Variants in ITGA10 observed in about 807,000 individuals in gnomAD.
ITGA10 encodes the protein integrin alpha-10.
ITGA10 carries 105 observed loss-of-function variants against 145.2 expected under a neutral mutation model. That is an observed-to-expected ratio of 0.72 (90% CI 0.62 to 0.85). The LOEUF (loss-of-function observed/expected upper bound fraction) is 0.85. Among genes scored for constraint, ITGA10 ranks in the 40% least tolerant of loss-of-function variants. ITGA10 has a pLI of 0.00. For synonymous variants in ITGA10, 506 were observed against 557.8 expected (o/e 0.91, Z 1.31); for missense variants, 1,317 against 1,444.5 (o/e 0.91, Z 1.43).
At position 145,897,976 on chromosome 1, in the gene ITGA10, G is replaced by T. The variant is rs911770348; in HGVS notation, c.2347-76C>A. Reference sequence around the variant, plus strand: ...GAATAGAATAGGGGGAAAGTGAAAAGACAAAAGTGGGTATATTTTGATTAG... The same window carrying T: ...GAATAGAATAGGGGGAAAGTGAAAATACAAAAGTGGGTATATTTTGATTAG... On this transcript the variant is annotated intron_variant, in intron 18 of 29. Transcript: ENST00000369304. 3.1e-5 allele frequency: 42 copies of T among 1,375,276 alleles called. No homozygotes were observed. The Admixed American group carries it at 7.2e-4, about 23-fold the overall frequency. The allele number at this position is 1,375,276 out of a possible 1,614,324, so 85.2% of individuals were successfully genotyped here.
At chr1:145,907,490 A>G (rs951515214) in intron 1 of ITGA10, 25 bp from the exon 2 acceptor site, 12 of 1,613,602 alleles carry the variant, frequency 7.4e-6, no homozygotes, top group Non-Finnish European at 1.0e-5. Context: ...TCATAATGTT[A>G]GTATGAGGTA....
At position 145,896,059 on chromosome 1, in the gene ITGA10, A is replaced by G. The variant is rs1404365984; in HGVS notation, c.2957T>C (p.Ile986Thr). 1.2e-6 allele frequency: 2 copies of G among 1,614,188 alleles called. No homozygotes were observed. Among genetic ancestry groups the G allele is most frequent in the Non-Finnish European group, 1.7e-6 (2 of 1,180,026 alleles). ...CACAGCTGGAAGGAGGGCTGAGATG[A>G]TGAGGCCACTGACCACATAGCAGCC... Reference protein sequence around the residue: ...NLGCYVVSGLIISALLPAVAH... With the variant: ...NLGCYVVSGLTISALLPAVAH... Residue 986 changes from isoleucine to threonine, a missense_variant, in exon 25 of 30, where the codon ATC becomes ACC. Transcript: ENST00000369304.
intron 7 of ITGA10, 43 bp from the exon 8 acceptor site, chr1:145,903,004 C>T (rs781808216): frequency 3.4e-5 from 19 of 560,404 alleles, no homozygotes; most frequent in Non-Finnish European, 4.7e-5. Flanking sequence ...TGTATGCAGA[C>T]ACACACACAC....
chr1:145,899,410 T>C, intron 15 of ITGA10, 69 bp from the exon 16 acceptor site: 1 of 1,537,738 alleles, frequency 6.5e-7, no homozygotes, highest in Non-Finnish European at 8.9e-7. Flanking sequence ...AAGCCCAGTG[T>C]TTGCTTCCCC....
chr1:145,899,176 G>T lies in ITGA10; in HGVS notation c.2088C>A (p.Phe696Leu), dbSNP rs376169270. Reference sequence around the variant, plus strand: ...CTGTGATGCATTTTAGTCACTCACAGAATTGGTGATCCCAGCGACCAGGAG... The same window carrying T: ...CTGTGATGCATTTTAGTCACTCACATAATTGGTGATCCCAGCGACCAGGAG... ...SRTPGRWDHQ[F>L]YMRFTASLDE... Residue 696 changes from phenylalanine to leucine, a missense_variant and splice_region_variant, in exon 16 of 30, where the codon TTC (phenylalanine) becomes TTA (leucine). Physicochemically the swap from Phe to Leu is conservative, Grantham distance 22. Coordinates refer to ENST00000369304, the MANE Select transcript of ITGA10 (RefSeq NM_003637.5). The T allele has an allele frequency of 6.2e-7, 1 of 1,614,234 alleles. No individual in the cohort carries two copies. The highest frequency in any genetic ancestry group is 1.1e-5 in the South Asian group (1 of 91,088).
chr1:145,904,925 A>G, intron 5 of ITGA10, 114 bp from the exon 6 acceptor site: 1 of 1,085,436 alleles, frequency 9.2e-7, no homozygotes, highest in South Asian at 1.5e-5. Context: ...CTTACATGCA[A>G]AGAAGGTACT....
rs782575299 is a variant in ITGA10 at position 145,896,800 on chromosome 1, T to C, written c.2803A>G (p.Ile935Val). The C allele has an allele frequency of 3.0e-5, 49 of 1,613,856 alleles. No homozygotes were observed. The highest frequency in any genetic ancestry group is 4.0e-5 in the Non-Finnish European group (47 of 1,179,950). Reference protein sequence around the residue: ...QDNTAQTSAYIQYEPHLLFSS... With the variant: ...QDNTAQTSAYVQYEPHLLFSS... The stretch of plus-strand genomic sequence containing the variant: ...AACAGGAGGTGGGGCTCATATTGGA[T>C]GTAGGCTGAGGTCTGGGCTGTGTTA... The change falls in exon 23 of 30, where the codon ATC becomes GTC. Residue 935 changes from isoleucine to valine, a missense_variant. By Grantham distance (29) the Ile-to-Val change is conservative. Coordinates refer to ENST00000369304, the MANE Select transcript of ITGA10 (RefSeq NM_003637.5).
intron 14 of ITGA10, 70 bp downstream of exon 14, chr1:145,900,720 G>T: frequency 6.6e-7 from 1 of 1,504,234 alleles, no homozygotes; most frequent in Non-Finnish European, 9.2e-7. Context: ...GGAGACTATT[G>T]ACAAGCAAAG....
intron 5 of ITGA10, chr1:145,906,091 T>G: frequency 3.3e-6 from 1 of 301,854 alleles, no homozygotes; most frequent in South Asian, 3.3e-5. Context: ...CCAGCTAATT[T>G]TTGTATTTTT....
At position 145,896,308 on chromosome 1, in the gene ITGA10, AGGGT is replaced by A. The variant is rs1655393214; in HGVS notation, c.2875_2878del (p.Thr959SerfsTer18). 6.2e-7 allele frequency: 1 copy of A among 1,613,890 alleles called. No individual in the cohort carries two copies. The highest frequency in any genetic ancestry group is 1.1e-5 in the South Asian group (1 of 91,082). Reference sequence around the variant, plus strand: ...GAATTCTGGGCCAGGACCCACTGGGAGGGTCCCATATGGGTGAACCTCATAGCGG... The same window carrying A: ...GAATTCTGGGCCAGGACCCACTGGGACCCATATGGGTGAACCTCATAGCGG... On this transcript the variant is annotated frameshift_variant, in exon 24 of 30. Coordinates refer to ENST00000369304, the MANE Select transcript of ITGA10 (RefSeq NM_003637.5). LOFTEE classifies it high-confidence loss of function.
In ITGA10 at chr1:145,897,911, G is replaced by A. The variant is rs1553745944; in HGVS notation, c.2347-11C>T. On this transcript the variant is annotated splice_polypyrimidine_tract_variant and intron_variant, in intron 18 of 29. Coordinates refer to ENST00000369304, the MANE Select transcript of ITGA10 (RefSeq NM_003637.5). The stretch of plus-strand genomic sequence containing the variant: ...CTTTGAGAAGGGGACCTGGAAGAAA[G>A]GGAAGGGGCTAAGGGTTGAGAGGAA... 1.2e-6 allele frequency: 2 copies of A among 1,608,218 alleles called. No homozygotes were observed. The highest frequency in any genetic ancestry group is 3.3e-5 in the Admixed American group (2 of 60,004).
At chr1:145,897,387 G>T in intron 20 of ITGA10, 48 bp from the exon 21 acceptor site, 1 of 1,602,114 alleles carries the variant, frequency 6.2e-7, no homozygotes, top group Non-Finnish European at 8.6e-7. Flanking sequence ...GGCTGCAACT[G>T]CTGTCCTACC....
chr1:145,902,116 T>TG, intron 10 of ITGA10, 95 bp from the exon 11 acceptor site: 1 of 1,580,140 alleles, frequency 6.3e-7, no homozygotes, highest in Non-Finnish European at 8.7e-7. Context: ...GAGGGTCTGC[T>TG]GGGCTCAGTT....
At chr1:145,906,368 A>C in intron 5 of ITGA10, 26 bp downstream of exon 5, 2 of 1,569,998 alleles carry the variant, frequency 1.3e-6, no homozygotes, top group South Asian at 2.2e-5. Context: ...TCTGGGAACC[A>C]AGTACTCAGC....
At position 145,899,020 on chromosome 1, in the gene ITGA10, A is replaced by G; in HGVS notation, c.2148T>C (p.Asp716=). The stretch of plus-strand genomic sequence containing the variant: ...GAGGGGACAACCTCTGGCCAGAGCC[A>G]TCAAATGCTGCACGTGCCCCAGCAG... ...EWTAGARAAF[D]GSGQRLSPRR... is the part of the protein sequence containing the mutation. The change falls in exon 17 of 30, where the codon GAT becomes GAC. Residue 716 remains aspartate (D), a synonymous_variant. Coordinates refer to ENST00000369304, the MANE Select transcript of ITGA10 (RefSeq NM_003637.5). 6.2e-7 allele frequency: 1 copy of G among 1,614,216 alleles called. No individual in the cohort carries two copies. The highest frequency in any genetic ancestry group is 8.5e-7 in the Non-Finnish European group (1 of 1,180,034).
At chr1:145,903,886 T>C (rs1389981495) in intron 7 of ITGA10, among the ~76,000 whole-genome samples, 166 bp downstream of exon 7, 1 of 151,798 alleles carries the variant, frequency 6.6e-6, no homozygotes, top group Non-Finnish European at 1.5e-5. Flanking sequence ...ATGGGGTTTC[T>C]CCATGTTGGT....
chr1:145,902,269 C>A lies in ITGA10; in HGVS notation c.1126G>T (p.Gly376Cys). The A allele has an allele frequency of 4.3e-6, 7 of 1,614,114 alleles. No individual in the cohort carries two copies. Among genetic ancestry groups the A allele is most frequent in the Middle Eastern group, 1.6e-4 (1 of 6,062 alleles). Residue 376 changes from glycine (G) to cysteine (C), a missense_variant, in exon 10 of 30, where the codon GGT becomes TGT. Gly to Cys is a radical substitution (Grantham distance 159). Transcript: ENST00000369304. Reference protein sequence around the residue: ...SSFGLEMSQIGFSTHRLKDGI... With the variant: ...SSFGLEMSQICFSTHRLKDGI... ...ACCTTTAGCCGATGAGTGGAGAAACCAATCTGAGACATTTCCAGCCCAAAG... is the reference window on the plus strand; with the variant it reads ...ACCTTTAGCCGATGAGTGGAGAAACAAATCTGAGACATTTCCAGCCCAAAG...
chr1:145,907,100 T>C lies in ITGA10; in HGVS notation c.215A>G (p.Asp72Gly), dbSNP rs1570914696. The part of the protein sequence containing the change: ...WDGPSGDRRG[D>G]VYRCPVGGAH... ...CCCCCCTACAGGGCAGCGATAAACG[T>C]CCCCCCTCCGGTCGCCTGAAGGCCC... Residue 72 changes from aspartate to glycine, a missense_variant, in exon 3 of 30, where the codon GAC becomes GGC. By Grantham distance (94) the Asp-to-Gly change is moderately conservative. Transcript: ENST00000369304. The C allele has an allele frequency of 1.3e-6, 2 of 1,563,730 alleles. No homozygotes were observed. Among genetic ancestry groups the C allele is most frequent in the East Asian group, 4.7e-5 (2 of 42,262 alleles).
intron 24 of ITGA10, 38 bp downstream of exon 24, chr1:145,896,230 C>T: frequency 6.4e-7 from 1 of 1,552,578 alleles, no homozygotes; most frequent in Non-Finnish European, 8.9e-7. Context: ...GTTGTTCCCC[C>T]ACATTCTCCT....
Sources: allele counts gnomAD v4.1 joint callset (sites outside exome capture counted in the v4.1 genomes callset), GRCh38; gene constraint gnomAD v4.1.1; transcripts MANE v1.5; gene names NCBI Gene and HGNC (gene_info 2026-07-23, HGNC 2026-07-21).